Variants in SPHKAP observed in about 807,000 individuals in gnomAD.
The protein encoded by SPHKAP is A-kinase anchor protein SPHKAP.
A neutral mutation model predicts 137.5 loss-of-function variants in SPHKAP; 67 were observed. The observed-to-expected ratio is 0.49, with a 90% CI of 0.40 to 0.60. The LOEUF (loss-of-function observed/expected upper bound fraction) is 0.60. Among genes scored for constraint, SPHKAP ranks in the 20% least tolerant of loss-of-function variants. SPHKAP has a pLI of 0.00. For synonymous variants in SPHKAP, 813 were observed against 785.3 expected (o/e 1.04, Z -0.59); for missense variants, 2,097 against 2,069.3 (o/e 1.01, Z -0.26).
At chr2:228,084,945 A>G (rs1020937128) in intron 3 of SPHKAP, among the ~76,000 whole-genome samples, 25 of 152,196 alleles carry the variant, frequency 1.6e-4, no homozygotes, top group African/African-American at 6.0e-4. Context: ...ACTGAGATAA[A>G]CCAAAAATAC....
intron 2 of SPHKAP, among the ~76,000 whole-genome samples, chr2:228,127,804 G>A (rs1659403717): frequency 6.6e-6 from 1 of 152,116 alleles, no homozygotes; most frequent in African/African-American, 2.4e-5. Flanking sequence ...CCCCACAACA[G>A]AGCAAATATC....
At chr2:228,167,548 A>T (rs1236508597) in intron 1 of SPHKAP, among the ~76,000 whole-genome samples, 27 of 152,160 alleles carry the variant, frequency 1.8e-4, no homozygotes, top group Admixed American at 1.8e-3. Context: ...AATGACTTCA[A>T]TGGGTTCTTA....
At chr2:228,046,899 C>G (rs1180508410) in intron 3 of SPHKAP, among the ~76,000 whole-genome samples, 1 of 152,136 alleles carries the variant, frequency 6.6e-6, no homozygotes, top group Admixed American at 6.5e-5. Flanking sequence ...ATCCTTTTGG[C>G]ATTCCCCAAC....
At chr2:228,156,156 A>T (rs1349964247) in intron 1 of SPHKAP, among the ~76,000 whole-genome samples, 1 of 152,188 alleles carries the variant, frequency 6.6e-6, no homozygotes, top group Non-Finnish European at 1.5e-5. Context: ...TTACATGATA[A>T]TTGCCCCCCA....
intron 1 of SPHKAP, among the ~76,000 whole-genome samples, chr2:228,176,050 G>A (rs1340458015): frequency 3.9e-5 from 6 of 152,188 alleles, no homozygotes; most frequent in South Asian, 2.1e-4. Flanking sequence ...CTTTTCAAAT[G>A]TTTGAAGTAG....
At chr2:228,001,267 ATAAATATATC>A (rs1203855832) in intron 7 of SPHKAP, among the ~76,000 whole-genome samples, 252 of 114,566 alleles carry the variant, frequency 2.2e-3, no homozygotes, top group South Asian at 0.012. Context: ...ACACACATAT[ATAAATATATC>A]TATACATATA....
chr2:228,118,742 T>C (rs1430268537), intron 2 of SPHKAP, among the ~76,000 whole-genome samples: 2 of 152,166 alleles, frequency 1.3e-5, no homozygotes, highest in African/African-American at 4.8e-5. Context: ...GGAATGCTAT[T>C]ATAAAACAAG....
chr2:228,040,320 A>G (rs991704169), intron 3 of SPHKAP, among the ~76,000 whole-genome samples: 2 of 152,130 alleles, frequency 1.3e-5, no homozygotes, highest in Non-Finnish European at 2.9e-5. Flanking sequence ...TTCTTTTTCT[A>G]ACCAAAAGGC....
chr2:228,067,041 C>T (rs1696849066), intron 3 of SPHKAP, among the ~76,000 whole-genome samples: 1 of 152,190 alleles, frequency 6.6e-6, no homozygotes. Context: ...TTCAGCTCCA[C>T]CGACGTGACT....
chr2:228,000,675 T>C (rs1465031831), intron 7 of SPHKAP, among the ~76,000 whole-genome samples: 1 of 151,992 alleles, frequency 6.6e-6, no homozygotes, highest in Non-Finnish European at 1.5e-5. Context: ...TGACAACATT[T>C]AATAATATGC....
Position 228,018,389 on chromosome 2 carries a change from T to C in SPHKAP, c.2465A>G (p.Asp822Gly). ...GGAGGATGTTGTAGCAGTTGAAGAA[T>C]CGGGCACTCTGTGACTACGTGATAA... ...SQLSRSHRVPDSSTATTSSKE... is the reference protein window; with the variant it reads ...SQLSRSHRVPGSSTATTSSKE... The change falls in exon 7 of 12, where the codon GAT becomes GGT. Residue 822 changes from aspartate (D) to glycine (G), a missense_variant. Asp to Gly is a moderately conservative substitution (Grantham distance 94). Transcript: ENST00000392056. 1 of 1,614,144 alleles carries C rather than the reference T, an allele frequency of 6.2e-7. No homozygotes were observed.
chr2:228,002,587 C>G (rs890474675), intron 7 of SPHKAP, among the ~76,000 whole-genome samples: 13 of 152,168 alleles, frequency 8.5e-5, no homozygotes, highest in Non-Finnish European at 1.3e-4. Context: ...TCCCATTTGT[C>G]TATGTTGGCT....
intron 3 of SPHKAP, among the ~76,000 whole-genome samples, chr2:228,063,482 G>A (rs58502202): frequency 9.1e-4 from 139 of 152,250 alleles, no homozygotes; most frequent in African/African-American, 3.2e-3. Flanking sequence ...CTATAGAGTG[G>A]CTACATTTTG....
rs1694750097 is a variant in SPHKAP at position 228,019,469 on chromosome 2, G to T, written c.1385C>A (p.Ala462Asp). ...VVQSPDGSDA[A>D]PQPGISSWPE... ...CCAGGAGGAGATGCCTGGCTGTGGG[G>T]CAGCATCACTGCCATCTGGACTCTG... Residue 462 changes from alanine to aspartate, a missense_variant, in exon 7 of 12, where the codon GCC becomes GAC. By Grantham distance (126) the Ala-to-Asp change is moderately radical (BLOSUM62 -2). Transcript: ENST00000392056. 2 of 1,614,038 alleles carry T rather than the reference G, an allele frequency of 1.2e-6. No homozygotes were observed. The highest frequency in any genetic ancestry group is 1.7e-6 in the Non-Finnish European group (2 of 1,180,034).
At chr2:228,110,897 T>G (rs1470905182) in intron 2 of SPHKAP, among the ~76,000 whole-genome samples, 1 of 152,146 alleles carries the variant, frequency 6.6e-6, no homozygotes, top group East Asian at 1.9e-4. Flanking sequence ...TAAAATTATT[T>G]TGTCAAATAA....
At chr2:227,997,269 A>G (rs1320296231) in intron 7 of SPHKAP, among the ~76,000 whole-genome samples, 1 of 152,164 alleles carries the variant, frequency 6.6e-6, no homozygotes, top group African/African-American at 2.4e-5. Flanking sequence ...TCAAAACTGC[A>G]GGGATTTCTT....
intron 3 of SPHKAP, among the ~76,000 whole-genome samples, chr2:228,091,491 C>T (rs766338843): frequency 5.3e-5 from 8 of 152,078 alleles, no homozygotes; most frequent in East Asian, 1.9e-4. Context: ...ACCCACAAAG[C>T]GGGAGAAAAT....
At chr2:228,151,116 A>T (rs933176793) in intron 1 of SPHKAP, among the ~76,000 whole-genome samples, 1 of 139,746 alleles carries the variant, frequency 7.2e-6, no homozygotes, top group Non-Finnish European at 1.5e-5. Flanking sequence ...CCAGAGTGTG[A>T]TGTTCCCCTT....
chr2:228,087,564 C>T (rs957443875), intron 3 of SPHKAP, among the ~76,000 whole-genome samples: 9 of 151,398 alleles, frequency 5.9e-5, no homozygotes, highest in East Asian at 1.9e-4. Flanking sequence ...AGTATGAGGG[C>T]GATGTTTCAT....
Sources: allele counts gnomAD v4.1 joint callset (sites outside exome capture counted in the v4.1 genomes callset), GRCh38; gene constraint gnomAD v4.1.1; transcripts MANE v1.5; gene names NCBI Gene and HGNC (gene_info 2026-07-23, HGNC 2026-07-21).